The following STOML3 variants were observed in gnomAD, a reference collection of about 807,000 sequenced individuals.
STOML3 encodes the protein stomatin like 3, also known as stomatin-like protein 3.
A neutral mutation model predicts 29.5 loss-of-function variants in STOML3; 31 were observed. The observed-to-expected ratio is 1.05, with a 90% CI of 0.79 to 1.42. STOML3 has a LOEUF of 1.42. STOML3 is among the 40% of genes most tolerant of loss of function. STOML3 has a pLI of 0.00. For synonymous variants in STOML3, 122 were observed against 139.8 expected (o/e 0.87, Z 0.90); for missense variants, 380 against 363.0 (o/e 1.05, Z -0.38).
intron 4 of STOML3, 67 bp from the exon 5 acceptor site, chr13:38,970,455 C>T: frequency 7.3e-7 from 1 of 1,373,876 alleles, no homozygotes; most frequent in Non-Finnish European, 1.0e-6. Context: ...AAGTGACAGC[C>T]AGCCCAAGAG....
At chr13:38,971,127 G>T (rs949747329) in intron 4 of STOML3, among the ~76,000 whole-genome samples, 1 of 152,072 alleles carries the variant, frequency 6.6e-6, no homozygotes, top group African/African-American at 2.4e-5. Context: ...CCGTCTCCCA[G>T]GTGCAAGTGA....
intron 1 of STOML3, among the ~76,000 whole-genome samples, chr13:38,977,127 A>G (rs1484477849): frequency 6.6e-6 from 1 of 152,244 alleles, no homozygotes; most frequent in Admixed American, 6.5e-5. Flanking sequence ...TAATCTCTGG[A>G]CCGTCCACAC....
At chr13:38,972,662 C>T in intron 3 of STOML3, 68 bp from the exon 4 acceptor site, 1 of 1,346,836 alleles carries the variant, frequency 7.4e-7, no homozygotes, top group African/African-American at 1.4e-5. Context: ...CTCATAGCAG[C>T]ATAGTGCATC....
At chr13:38,976,085 T>C (rs892165273) in intron 3 of STOML3, among the ~76,000 whole-genome samples, 2 of 152,232 alleles carry the variant, frequency 1.3e-5, no homozygotes, top group African/African-American at 2.4e-5. Flanking sequence ...ATGTGTCTAC[T>C]TGCCATGAGA....
intron 1 of STOML3, among the ~76,000 whole-genome samples, chr13:38,988,509 T>TGA (rs1868812375): frequency 5.7e-5 from 7 of 122,616 alleles, no homozygotes; most frequent in Non-Finnish European, 1.1e-4. Context: ...ATATAATATA[T>TGA]TTTATATCAT....
chr13:38,967,699 T>C (rs1880707032), intron 6 of STOML3, among the ~76,000 whole-genome samples: 1 of 152,206 alleles, frequency 6.6e-6, no homozygotes, highest in Non-Finnish European at 1.5e-5. Flanking sequence ...TCCTGGAAGC[T>C]GCTGGAGCTT....
intron 3 of STOML3, among the ~76,000 whole-genome samples, chr13:38,975,340 C>CA (rs1352626802): frequency 1.3e-5 from 2 of 148,224 alleles, no homozygotes; most frequent in Non-Finnish European, 3.0e-5. Flanking sequence ...AAAAGAAAAA[C>CA]AAAAAAAAGA....
At chr13:38,988,842 A>T (rs958756954) in intron 1 of STOML3, among the ~76,000 whole-genome samples, 1 of 142,400 alleles carries the variant, frequency 7.0e-6, no homozygotes, top group Non-Finnish European at 1.5e-5. Flanking sequence ...ACTATAATAC[A>T]TAATATATAT....
At chr13:38,985,937 T>TGA (rs1463655647) in intron 1 of STOML3, among the ~76,000 whole-genome samples, 1 of 138,836 alleles carries the variant, frequency 7.2e-6, no homozygotes, top group Non-Finnish European at 1.5e-5. Context: ...TTTTTTTGTT[T>TGA]GAGAGAGAGT....
intron 4 of STOML3, among the ~76,000 whole-genome samples, chr13:38,971,462 T>G (rs1028150726): frequency 4.6e-5 from 7 of 152,240 alleles, no homozygotes; most frequent in Non-Finnish European, 1.0e-4. Flanking sequence ...TTGATTTTCG[T>G]CTTCTTATCA....
chr13:38,984,629 AC>A (rs1868435732), intron 1 of STOML3, among the ~76,000 whole-genome samples: 1 of 152,180 alleles, frequency 6.6e-6, no homozygotes, highest in African/African-American at 2.4e-5. Context: ...CAGAGGCTGT[AC>A]CCTATAGCCC....
At chr13:38,988,093 A>G (rs1398728375) in intron 1 of STOML3, among the ~76,000 whole-genome samples, 1 of 103,300 alleles carries the variant, frequency 9.7e-6, no homozygotes, top group African/African-American at 4.2e-5. Flanking sequence ...TATATATAAT[A>G]TGTTATATTT....
intron 3 of STOML3, among the ~76,000 whole-genome samples, chr13:38,976,140 G>T (rs1881066262): frequency 6.6e-6 from 1 of 152,142 alleles, no homozygotes. Context: ...CAAAGAGTGA[G>T]CATCAAACAC....
chr13:38,990,264 T>G (rs1868947851), intron 1 of STOML3, among the ~76,000 whole-genome samples: 1 of 152,162 alleles, frequency 6.6e-6, no homozygotes, highest in Admixed American at 6.5e-5. Flanking sequence ...CAACATATCT[T>G]TGTTATTTAA....
At chr13:38,973,386 T>C (rs925132187) in intron 3 of STOML3, among the ~76,000 whole-genome samples, 3 of 152,196 alleles carry the variant, frequency 2.0e-5, no homozygotes, top group Non-Finnish European at 2.9e-5. Flanking sequence ...ACTGGGTGGC[T>C]TATAAACAAC....
intron 1 of STOML3, among the ~76,000 whole-genome samples, chr13:38,979,650 CT>C (rs1340991415): frequency 6.6e-6 from 1 of 152,186 alleles, no homozygotes; most frequent in Non-Finnish European, 1.5e-5. Context: ...ACTATGCCAT[CT>C]TACACCTGTG....
intron 3 of STOML3, among the ~76,000 whole-genome samples, chr13:38,973,113 A>T (rs1455060738): frequency 6.8e-6 from 1 of 146,110 alleles, no homozygotes; most frequent in African/African-American, 2.6e-5. Context: ...AAAAAAAAAA[A>T]AAAAAAAAAA....
rs927792807 is a variant in STOML3, at chr13:38,965,939, C to T, written c.*886G>A. 2 of 152,102 alleles carry T rather than the reference C, an allele frequency of 1.3e-5. No homozygotes were observed. Among genetic ancestry groups the T allele is most frequent in the African/African-American group, 2.4e-5 (1 of 41,420 alleles). 9.4% of individuals were successfully genotyped at this position (152,102 alleles called of 1,614,324 possible). ...CTCCCAAAAAGTAACTTTTGAAATT[C>T]ATTTATATTCTATGCCTTCTTTGTT... On this transcript the variant is annotated 3_prime_UTR_variant, in exon 7 of 7. Coordinates refer to ENST00000379631, the MANE Select transcript of STOML3 (RefSeq NM_145286.3).
At chr13:38,972,735 G>T in intron 3 of STOML3, 141 bp from the exon 4 acceptor site, 1 of 682,880 alleles carries the variant, frequency 1.5e-6, no homozygotes, top group Non-Finnish European at 2.4e-6. Flanking sequence ...AAACTCTGAG[G>T]AAAATGATTT....
Sources: gnomAD v4.1 joint callset for allele counts (sites outside exome capture counted in the v4.1 genomes callset) on GRCh38, gnomAD v4.1.1 for gene constraint, MANE v1.5 for transcripts, NCBI Gene and HGNC (gene_info 2026-07-23, HGNC 2026-07-21) for gene names.